RFT1: variants seen among roughly 807,000 people sequenced by gnomAD.
RFT1 encodes the protein RFT1 glycolipid translocator homolog.
Under a neutral mutation model 62.2 loss-of-function variants are expected in RFT1, and 43 were observed. The observed-to-expected ratio is 0.69, with a 90% CI of 0.54 to 0.89. RFT1 has a LOEUF of 0.89. Among genes scored for constraint, RFT1 ranks in the 40% least tolerant of loss-of-function variants. The pLI, the probability that RFT1 is intolerant of heterozygous loss-of-function variation, is 0.00. For synonymous variants in RFT1, 262 were observed against 264.6 expected (o/e 0.99, Z 0.10); for missense variants, 605 against 649.9 (o/e 0.93, Z 0.75).
the RFT1 span, among the ~76,000 whole-genome samples, chr3:53,071,120 T>C: frequency 2.0e-5 from 3 of 151,898 alleles, no homozygotes; most frequent in Non-Finnish European, 2.9e-5. Flanking sequence ...CTCAAACCCC[T>C]AGGCTCAAGC....
rs1366809549 is a variant in RFT1 at position 53,092,423 on chromosome 3, C to T, written c.1404G>A (p.Ser468=). Residue 468 remains serine, a synonymous_variant, in exon 12 of 13, where the codon TCG becomes TCA. Coordinates refer to ENST00000296292, the MANE Select transcript of RFT1 (RefSeq NM_052859.4). ...GGGCAAATGTCCCGAGCAGGACTGG[C>T]GATAGGTGCAGGCCAGCCAGGGGCC... ...PHRPLAGLHL[S]PVLLGTFALS... The T allele has an allele frequency of 6.2e-6, 10 of 1,609,550 alleles. No individual in the cohort carries two copies. The highest frequency in any genetic ancestry group is 1.1e-5 in the South Asian group (1 of 89,842).
At chr3:53,104,981 C>T (rs1199089089) in intron 9 of RFT1, among the ~76,000 whole-genome samples, 1 of 152,234 alleles carries the variant, frequency 6.6e-6, no homozygotes, top group Non-Finnish European at 1.5e-5. Context: ...CTTGATTAGC[C>T]TGGCTCCAAC....
At chr3:53,095,219 C>A (rs1489711935) in intron 11 of RFT1, among the ~76,000 whole-genome samples, 2 of 151,682 alleles carry the variant, frequency 1.3e-5, no homozygotes, top group African/African-American at 4.8e-5. Context: ...GCCAAGATCA[C>A]GCCACTGTAC....
At chr3:53,123,978 AC>A in intron 2 of RFT1, 138 bp from the exon 3 acceptor site, 1 of 697,546 alleles carries the variant, frequency 1.4e-6, no homozygotes, top group East Asian at 2.8e-5. Flanking sequence ...GTGGGCTCTT[AC>A]AGGACCCCCT....
At chr3:53,068,010 C>T in the RFT1 span, among the ~76,000 whole-genome samples, 2 of 152,208 alleles carry the variant, frequency 1.3e-5, no homozygotes, top group African/African-American at 4.8e-5. Flanking sequence ...TGGGCTGGAC[C>T]ACATGTCACC....
chr3:53,103,040 G>T, intron 10 of RFT1: 2 of 909,804 alleles, frequency 2.2e-6, no homozygotes, highest in Non-Finnish European at 2.6e-6. Context: ...ACAAGCCCCA[G>T]GGAGCTGCAA....
At chr3:53,070,393 GTTTTTTTTTTTTT>G in the RFT1 span, among the ~76,000 whole-genome samples, 1 of 85,448 alleles carries the variant, frequency 1.2e-5, no homozygotes, top group South Asian at 4.9e-4. Flanking sequence ...CTGTATTATG[GTTTTTTTTTTTTT>G]TTTTTTTTTT....
chr3:53,091,679 T>A lies in RFT1; in HGVS notation c.*224A>T. On this transcript the variant is annotated 3_prime_UTR_variant, in exon 13 of 13. Transcript: ENST00000296292. ...TAAAATGATAAAAAACTATTATTTT[T>A]AAAGGGCTTTTGGTCTTCACTTAAA... The A allele has an allele frequency of 1.7e-6, 1 of 584,940 alleles. No homozygotes were observed. The highest frequency in any genetic ancestry group is 3.0e-6 in the Non-Finnish European group (1 of 328,560). 36.2% of individuals were successfully genotyped at this position (584,940 alleles called of 1,614,324 possible). A position where few individuals can be genotyped will look rare whatever the true frequency, so the allele number is the denominator to read the frequency against.
At chr3:53,099,651 G>A (rs1043280744) in intron 10 of RFT1, among the ~76,000 whole-genome samples, 165 bp from the exon 11 acceptor site, 2 of 152,160 alleles carry the variant, frequency 1.3e-5, no homozygotes, top group Admixed American at 1.3e-4. Flanking sequence ...AATCTAGAAG[G>A]ATTCCCAACA....
chr3:53,119,517 G>A (rs970960404), intron 6 of RFT1, among the ~76,000 whole-genome samples: 2 of 152,236 alleles, frequency 1.3e-5, no homozygotes, highest in Non-Finnish European at 2.9e-5. Flanking sequence ...TCAGCATAGG[G>A]TCTAGCACAG....
At chr3:53,101,912 G>A (rs1040327544) in intron 10 of RFT1, among the ~76,000 whole-genome samples, 12 of 152,054 alleles carry the variant, frequency 7.9e-5, no homozygotes, top group Non-Finnish European at 1.6e-4. Flanking sequence ...GGTAGGGTGT[G>A]CCTGTAATCT....
intron 11 of RFT1, among the ~76,000 whole-genome samples, chr3:53,095,832 G>C (rs1046460929): frequency 3.3e-5 from 5 of 152,024 alleles, no homozygotes; most frequent in African/African-American, 1.2e-4. Context: ...CCATACAATC[G>C]AGCCTTCACA....
chr3:53,081,413 C>T, the RFT1 span, among the ~76,000 whole-genome samples: 2 of 152,104 alleles, frequency 1.3e-5, no homozygotes, highest in African/African-American at 2.4e-5. Context: ...AGAACTACCT[C>T]GGCACGGGGA....
intron 10 of RFT1, 66 bp downstream of exon 10, chr3:53,103,887 G>C (rs933241522): frequency 6.3e-7 from 1 of 1,592,866 alleles, no homozygotes; most frequent in African/African-American, 1.3e-5. Context: ...ACAAGTTCTT[G>C]AATTTCGTGA....
At chr3:53,077,318 G>C in the RFT1 span, among the ~76,000 whole-genome samples, 1 of 152,224 alleles carries the variant, frequency 6.6e-6, no homozygotes, top group Non-Finnish European at 1.5e-5. Flanking sequence ...AGCGTGGAGT[G>C]ATCTTGTCAA....
At chr3:53,116,287 A>AT (rs1701789464) in intron 6 of RFT1, among the ~76,000 whole-genome samples, 1 of 116,164 alleles carries the variant, frequency 8.6e-6, no homozygotes, top group African/African-American at 3.3e-5. Flanking sequence ...GAATCATCTC[A>AT]TTTCTTTTTT....
intron 5 of RFT1, among the ~76,000 whole-genome samples, chr3:53,121,355 C>G (rs1420120514): frequency 1.3e-5 from 2 of 152,050 alleles, no homozygotes; most frequent in African/African-American, 4.8e-5. Context: ...TGATTCCCAC[C>G]CCACCCCCCA....
chr3:53,111,289 C>G (rs1312577052), intron 7 of RFT1, among the ~76,000 whole-genome samples: 2 of 151,806 alleles, frequency 1.3e-5, no homozygotes, highest in East Asian at 3.9e-4. Flanking sequence ...ACCTATAGTC[C>G]CAGCTACTCA....
At chr3:53,075,387 C>A in the RFT1 span, among the ~76,000 whole-genome samples, 1 of 152,172 alleles carries the variant, frequency 6.6e-6, no homozygotes, top group Non-Finnish European at 1.5e-5. Context: ...AGAGGATATG[C>A]GGCCTGTACC....
Sources: gnomAD v4.1 joint callset for allele counts (sites outside exome capture counted in the v4.1 genomes callset) on GRCh38, gnomAD v4.1.1 for gene constraint, MANE v1.5 for transcripts, NCBI Gene and HGNC (gene_info 2026-07-23, HGNC 2026-07-21) for gene names.